The following NCAPD3 variants were observed in gnomAD, a reference collection of about 807,000 sequenced individuals.
NCAPD3 encodes non-SMC condensin II complex subunit D3.
Under a neutral mutation model 182.9 loss-of-function variants are expected in NCAPD3, and 105 were observed. That is an observed-to-expected ratio of 0.57 (90% confidence interval 0.49 to 0.68). The LOEUF (loss-of-function observed/expected upper bound fraction) is 0.68, where lower values mean the gene tolerates loss of function less well. Ranked by LOEUF, NCAPD3 falls within the 30% of genes least tolerant of loss-of-function variation. The probability of loss-of-function intolerance (pLI) is 0.00; values close to 1 mark genes in which losing one functional copy is unlikely to be tolerated. For synonymous variants in NCAPD3, 815 were observed against 679.9 expected (o/e 1.20, Z -3.09); for missense variants, 1,944 against 1,837.0 (o/e 1.06, Z -1.07).
chr11:134,157,599 C>T (rs1044884498), intron 31 of NCAPD3, among the ~76,000 whole-genome samples: 3 of 152,184 alleles, frequency 2.0e-5, no homozygotes, highest in South Asian at 2.1e-4. Context: ...CTACATCTGA[C>T]TTAAGAATGC....
rs780918970 is a variant in NCAPD3, at chr11:134,204,201, C to G, written c.1090-30G>C. On this transcript the variant is annotated intron_variant, in intron 9 of 34. Transcript: ENST00000534548. The surrounding 1 kb of genome is among the most constrained non-coding windows in gnomAD (Gnocchi z 4.3). ...AAAGCAAAAAGAGAAGTTGACCAAC[C>G]AATATCCACCCGCAGGATGGCTGAA... 2 of 1,608,704 alleles carry G rather than the reference C, an allele frequency of 1.2e-6. No homozygotes were observed. Among genetic ancestry groups the G allele is most frequent in the East Asian group, 4.5e-5 (2 of 44,788 alleles).
chr11:134,223,934 G>T lies in NCAPD3; in HGVS notation c.-8C>A. 1 of 1,612,022 alleles carries T rather than the reference G, an allele frequency of 6.2e-7. No individual in the cohort carries two copies. Among genetic ancestry groups the T allele is most frequent in the Non-Finnish European group, 8.5e-7 (1 of 1,179,604 alleles). Reference sequence around the variant, plus strand: ...GCCCCGCAACGCCACCATGATCCCAGGGCACCGGCTCGCCGCCGCCGTGCT... The same window carrying T: ...GCCCCGCAACGCCACCATGATCCCATGGCACCGGCTCGCCGCCGCCGTGCT... On this transcript the variant is annotated 5_prime_UTR_variant, in exon 1 of 35. It adds an upstream start codon to the 5' untranslated region. Transcript: ENST00000534548.
intron 27 of NCAPD3, among the ~76,000 whole-genome samples, chr11:134,162,958 G>C (rs1279022543): frequency 6.6e-6 from 1 of 152,162 alleles, no homozygotes; most frequent in Non-Finnish European, 1.5e-5. Context: ...CTGAGGATGT[G>C]TGGAGAAGGG....
chr11:134,217,535 T>C (rs545512148), intron 2 of NCAPD3, among the ~76,000 whole-genome samples: 17 of 152,234 alleles, frequency 1.1e-4, no homozygotes, highest in Admixed American at 3.3e-4. Context: ...GTTCTGCAGA[T>C]TGCAGGCAAT....
intron 32 of NCAPD3, among the ~76,000 whole-genome samples, chr11:134,155,417 T>G (rs1221191520): frequency 6.6e-6 from 1 of 151,988 alleles, no homozygotes; most frequent in African/African-American, 2.4e-5. Flanking sequence ...TTCTTCCTGG[T>G]TCAGTATAAA....
intron 24 of NCAPD3, among the ~76,000 whole-genome samples, chr11:134,170,037 TC>T (rs1481674207): frequency 1.3e-5 from 2 of 152,324 alleles, no homozygotes; most frequent in South Asian, 2.1e-4. Flanking sequence ...ACTTCTCCTT[TC>T]CCCAGTGGTG....
rs143359995 is a variant in NCAPD3 at position 134,177,424 on chromosome 11, T to C, written c.2816A>G (p.Lys939Arg). 1.5e-3 allele frequency: 2,485 copies of C among 1,614,108 alleles called. 3 individuals are homozygous for C. Among genetic ancestry groups the C allele is most frequent in the Non-Finnish European group, 1.8e-3 (2,139 of 1,179,948 alleles). Reference protein sequence around the residue: ...KLCLQHEDLAKKSIPALVREL... With the variant: ...KLCLQHEDLARKSIPALVREL... ...TCGCACCAGGGCTGGGATGCTCTTC[T>C]TTGCCAGATCCTCGTGCTGTAAGCA... Residue 939 changes from lysine to arginine, a missense_variant, in exon 23 of 35, where the codon AAG becomes AGG. Lys to Arg is a conservative substitution (Grantham distance 26). Around this residue, in one of 3 missense-constraint regions of NCAPD3, gnomAD observed 1,803 missense variants for 1,674.6 expected, o/e 1.08. Coordinates refer to ENST00000534548, the MANE Select transcript of NCAPD3 (RefSeq NM_015261.3).
chr11:134,203,947 T>C (rs1944800157), intron 10 of NCAPD3, 41 bp from the exon 11 acceptor site: 1 of 1,606,464 alleles, frequency 6.2e-7, no homozygotes, highest in Non-Finnish European at 8.5e-7. Flanking sequence ...CAGATAGGAG[T>C]AAGAACCAAA....
At chr11:134,164,882 T>A (rs944700090) in intron 27 of NCAPD3, among the ~76,000 whole-genome samples, 4 of 151,292 alleles carry the variant, frequency 2.6e-5, no homozygotes, top group Admixed American at 6.6e-5. Flanking sequence ...CATACTCACT[T>A]GTGACATGAG....
chr11:134,174,609 A>G (rs7126232), intron 24 of NCAPD3, among the ~76,000 whole-genome samples: 66,564 of 151,702 alleles, frequency 0.44, 16,840 homozygotes, highest in African/African-American at 0.71. Context: ...GGAAGGGTAC[A>G]GAAAGGCTGA....
intron 24 of NCAPD3, among the ~76,000 whole-genome samples, chr11:134,175,211 G>A (rs1944131705): frequency 6.6e-6 from 1 of 152,140 alleles, no homozygotes; most frequent in Non-Finnish European, 1.5e-5. Context: ...GAAAAATGAG[G>A]AAATGCAGGT....
At chr11:134,168,417 C>G in intron 26 of NCAPD3, 52 bp downstream of exon 26, 2 of 1,609,140 alleles carry the variant, frequency 1.2e-6, no homozygotes, top group South Asian at 1.1e-5. Flanking sequence ...ATTATCAACA[C>G]AGCATTTCAT....
At chr11:134,218,297 G>C (rs982368058) in intron 2 of NCAPD3, among the ~76,000 whole-genome samples, 3 of 152,114 alleles carry the variant, frequency 2.0e-5, no homozygotes, top group African/African-American at 7.2e-5. Context: ...CTGGGCGTCA[G>C]TGACCCTGCA....
intron 13 of NCAPD3, among the ~76,000 whole-genome samples, chr11:134,197,216 C>A (rs1944650047): frequency 1.3e-5 from 2 of 151,968 alleles, no homozygotes; most frequent in South Asian, 4.2e-4. Flanking sequence ...TTCTGTACAG[C>A]CTGCAGAACC....
intron 31 of NCAPD3, 108 bp downstream of exon 31, chr11:134,157,820 G>A: frequency 8.1e-7 from 1 of 1,233,852 alleles, no homozygotes; most frequent in Non-Finnish European, 1.1e-6. Flanking sequence ...AACGTTATTT[G>A]TTTTAAAGAT....
At chr11:134,183,217 T>C (rs1310278344) in intron 19 of NCAPD3, 3 of 454,606 alleles carry the variant, frequency 6.6e-6, no homozygotes, top group Non-Finnish European at 1.3e-5. Context: ...CTGCCGGTAG[T>C]AAGTTGTGTA....
chr11:134,167,951 ACACT>A (rs1278318988), intron 27 of NCAPD3, 41 bp downstream of exon 27: 4 of 1,573,602 alleles, frequency 2.5e-6, no homozygotes, highest in Non-Finnish European at 3.5e-6. Context: ...GGGGAGCAGC[ACACT>A]CACTTGTGAG....
chr11:134,177,712 CT>C (rs1295241023), intron 22 of NCAPD3: 1 of 466,968 alleles, frequency 2.1e-6, no homozygotes, highest in East Asian at 3.4e-5. Flanking sequence ...AATCATCTTC[CT>C]TTTAAAGTCA....
In NCAPD3 at chr11:134,223,899, C is replaced by A. The variant is rs763782598; in HGVS notation, c.28G>T (p.Gly10Cys). 6.2e-7 allele frequency: 1 copy of A among 1,612,748 alleles called. No individual in the cohort carries two copies. The highest frequency in any genetic ancestry group is 8.5e-7 in the Non-Finnish European group (1 of 1,179,816). ...TCCAGCGGACACCAGGGCTGCAGGC[C>A]GCTACCAAGGCCCCGCAACGCCACC... MVALRGLGS[G>C]LQPWCPLDLR... The change falls in exon 1 of 35, where the codon GGC becomes TGC. Residue 10 changes from glycine (G) to cysteine (C), a missense_variant. This residue lies in a region of NCAPD3 where 131 missense variants were observed against 133.9 expected (regional missense o/e 0.98). Coordinates refer to ENST00000534548, the MANE Select transcript of NCAPD3 (RefSeq NM_015261.3).
Sources: allele counts gnomAD v4.1 joint callset (sites outside exome capture counted in the v4.1 genomes callset), GRCh38; gene constraint gnomAD v4.1.1; regional missense constraint gnomAD v4.1.1; non-coding constraint Gnocchi (gnomAD v3.1); transcripts MANE v1.5; gene names NCBI Gene and HGNC (gene_info 2026-07-23, HGNC 2026-07-21).